The following SORCS2 variants were observed in gnomAD, a reference collection of about 807,000 sequenced individuals.
The protein encoded by SORCS2 is VPS10 domain-containing receptor SorCS2.
A neutral mutation model predicts 141.6 loss-of-function variants in SORCS2; 100 were observed. The observed-to-expected ratio is 0.71, with a 90% CI of 0.60 to 0.83. The LOEUF (loss-of-function observed/expected upper bound fraction) is 0.83. SORCS2 is among the 40% of genes least tolerant of loss of function. SORCS2 has a pLI of 0.00. For synonymous variants in SORCS2, 789 were observed against 676.9 expected, an observed-to-expected ratio of 1.17 and a Z score of -2.57; for missense variants, 1,646 against 1,560.2, an observed-to-expected ratio of 1.05 and a Z score of -0.93.
chr4:7,522,255 A>C (rs879564989), intron 2 of SORCS2, among the ~76,000 whole-genome samples: 20 of 152,146 alleles, frequency 1.3e-4, no homozygotes, highest in Admixed American at 1.3e-3. Flanking sequence ...TGGGCACTGC[A>C]CATACGTCCC....
intron 3 of SORCS2, among the ~76,000 whole-genome samples, chr4:7,550,105 T>TC: frequency 7.0e-6 from 1 of 143,014 alleles, no homozygotes; most frequent in East Asian, 2.1e-4. Context: ...TGTTTTTTTT[T>TC]TTCCGTGTGT....
chr4:7,254,829 A>G (rs929255344), intron 1 of SORCS2, among the ~76,000 whole-genome samples: 1 of 152,082 alleles, frequency 6.6e-6, no homozygotes, highest in Non-Finnish European at 1.5e-5. Flanking sequence ...TGTTGAGAGC[A>G]GAGTCTCTCA....
At chr4:7,421,477 A>C (rs1353492385) in intron 2 of SORCS2, among the ~76,000 whole-genome samples, 1 of 152,112 alleles carries the variant, frequency 6.6e-6, no homozygotes, top group African/African-American at 2.4e-5. Flanking sequence ...GTCCAGTGGT[A>C]ATGGATGTAA....
Position 7,373,478 on chromosome 4 carries a change from A to ATTTTTTTTT in SORCS2, c.481-22790_481-22782dup, listed in dbSNP as rs71173496. ...AACTTTTATATATATATATATATAT[A>ATTTTTTTTT]TTTTTTTTTTTTTTTTTTTTTTTTT... On this transcript the variant is annotated intron_variant, in intron 1 of 26. Coordinates refer to ENST00000507866, the MANE Select transcript of SORCS2 (RefSeq NM_020777.3). 9.0e-4 allele frequency among the ~76,000 whole-genome samples: 33 copies of ATTTTTTTTT among 36,820 alleles called. 5 individuals carry two copies. Among genetic ancestry groups the ATTTTTTTTT allele is most frequent in the Non-Finnish European group, 1.0e-3 (25 of 24,126 alleles). The allele number at this position is 36,820 out of a possible 152,430, so 24.2% of individuals were successfully genotyped here.
chr4:7,703,597 G>A (rs1354849572), intron 13 of SORCS2, among the ~76,000 whole-genome samples: 1 of 152,170 alleles, frequency 6.6e-6, no homozygotes, highest in Non-Finnish European at 1.5e-5. Flanking sequence ...CAGGCACAGA[G>A]GGAGGCCCCA....
chr4:7,433,592 G>A, intron 2 of SORCS2: 2 of 1,611,714 alleles, frequency 1.2e-6, no homozygotes, highest in Non-Finnish European at 1.7e-6. Flanking sequence ...GGCAGCGGCA[G>A]GATGCTGCAG....
chr4:7,485,588 T>G (rs1730929066), intron 2 of SORCS2, among the ~76,000 whole-genome samples: 1 of 152,240 alleles, frequency 6.6e-6, no homozygotes, highest in South Asian at 2.1e-4. Context: ...TTGTTATTTT[T>G]CCTAACAATG....
chr4:7,437,354 G>A (rs944793891), intron 2 of SORCS2, among the ~76,000 whole-genome samples: 8 of 152,180 alleles, frequency 5.3e-5, no homozygotes, highest in Non-Finnish European at 1.0e-4. Context: ...TAGGGGCCGG[G>A]GTGCAGGGCT....
intron 3 of SORCS2, among the ~76,000 whole-genome samples, chr4:7,584,176 T>C (rs1716375622): frequency 6.6e-6 from 1 of 152,242 alleles, no homozygotes; most frequent in Admixed American, 6.5e-5. Flanking sequence ...AATGCTGGTT[T>C]GCTAAATCAT....
chr4:7,525,881 C>CCCTCCTCAGTCACCTGTCT (rs1560356309), intron 2 of SORCS2, among the ~76,000 whole-genome samples: 4 of 97,184 alleles, frequency 4.1e-5, no homozygotes, highest in Non-Finnish European at 8.2e-5. Context: ...GTCACCTGTC[C>CCCTCCTCAGTCACCTGTCT]CCTCCTCAGT....
At chr4:7,460,345 G>A (rs1409765735) in intron 2 of SORCS2, among the ~76,000 whole-genome samples, 1 of 152,220 alleles carries the variant, frequency 6.6e-6, no homozygotes, top group Non-Finnish European at 1.5e-5. Flanking sequence ...AACCCCAGTC[G>A]GTGGCCAACG....
chr4:7,608,712 G>A (rs550912364), intron 3 of SORCS2, among the ~76,000 whole-genome samples: 1 of 152,256 alleles, frequency 6.6e-6, no homozygotes, highest in East Asian at 1.9e-4. Flanking sequence ...TGCCATCTGT[G>A]GGCTGCCCTC....
intron 2 of SORCS2, among the ~76,000 whole-genome samples, chr4:7,414,501 A>G (rs1560264937): frequency 6.6e-6 from 1 of 152,320 alleles, no homozygotes; most frequent in East Asian, 1.9e-4. Flanking sequence ...AGATGAATTA[A>G]GAGTCTTTTA....
chr4:7,196,650 C>T (rs903504899), intron 1 of SORCS2, among the ~76,000 whole-genome samples: 3 of 150,798 alleles, frequency 2.0e-5, no homozygotes, highest in Admixed American at 2.0e-4. Flanking sequence ...CTCTCCCTCC[C>T]CTCCCTCTGC....
chr4:7,302,578 A>T (rs1717503143), intron 1 of SORCS2, among the ~76,000 whole-genome samples: 1 of 152,164 alleles, frequency 6.6e-6, no homozygotes. Flanking sequence ...CCCTCCCTGT[A>T]GGCCCTGTGC....
chr4:7,527,621 A>G (rs1208422828), intron 2 of SORCS2, among the ~76,000 whole-genome samples: 1 of 152,192 alleles, frequency 6.6e-6, no homozygotes, highest in Admixed American at 6.5e-5. Context: ...GTAGATAATG[A>G]ATGTGGCTGG....
At chr4:7,709,930 C>T (rs1274174625) in intron 14 of SORCS2, among the ~76,000 whole-genome samples, 2 of 152,112 alleles carry the variant, frequency 1.3e-5, no homozygotes, top group Non-Finnish European at 2.9e-5. Context: ...GCAGCGTGGC[C>T]CATTTTTTCC....
intron 2 of SORCS2, among the ~76,000 whole-genome samples, chr4:7,425,552 C>T (rs902266925): frequency 3.9e-5 from 6 of 152,198 alleles, no homozygotes; most frequent in African/African-American, 9.7e-5. Flanking sequence ...GACACCTGAG[C>T]GGCTCTGCTC....
At chr4:7,443,645 A>C (rs1392427442) in intron 2 of SORCS2, among the ~76,000 whole-genome samples, 1 of 152,234 alleles carries the variant, frequency 6.6e-6, no homozygotes, top group Non-Finnish European at 1.5e-5. Context: ...TAAGGACCGG[A>C]GACCACAGAA....
Sources: allele counts gnomAD v4.1 joint callset (sites outside exome capture counted in the v4.1 genomes callset), GRCh38; gene constraint gnomAD v4.1.1; transcripts MANE v1.5; gene names NCBI Gene and HGNC (gene_info 2026-07-23, HGNC 2026-07-21).